PLEKHG5: variants seen among roughly 807,000 people sequenced by gnomAD.
PLEKHG5 encodes the protein pleckstrin homology and RhoGEF domain containing G5.
PLEKHG5 carries 52 observed loss-of-function variants against 103.8 expected under a neutral mutation model. That is an observed-to-expected ratio of 0.50 (90% CI 0.40 to 0.63). The LOEUF (loss-of-function observed/expected upper bound fraction) is 0.63. PLEKHG5 is among the 30% of genes least tolerant of loss of function. The probability of loss-of-function intolerance (pLI) is 0.00; values close to 1 mark genes in which losing one functional copy is unlikely to be tolerated. For missense variants in PLEKHG5, 1,205 were observed against 1,347.6 expected (o/e 0.89, Z 1.66); for synonymous variants, 592 against 575.5 (o/e 1.03, Z -0.41).
intron 15 of PLEKHG5, 32 bp downstream of exon 15, chr1:6,470,474 A>C (rs760564427): frequency 1.2e-6 from 2 of 1,610,816 alleles, no homozygotes; most frequent in Non-Finnish European, 1.7e-6. Flanking sequence ...CCTCTCTCCC[A>C]GCCGGCAACC....
At chr1:6,497,025 G>A, upstream of PLEKHG5, 1 of 1,521,494 alleles carries the variant, frequency 6.6e-7, no homozygotes, top group Non-Finnish European at 8.8e-7. This position sits in a 1 kb window ranked among gnomAD's most constrained non-coding sequence, Gnocchi z 6.1. Flanking sequence ...CGTTCCCCAA[G>A]ACTCATCTTT....
chr1:6,496,576 G>C, upstream of PLEKHG5: 1 of 1,559,350 alleles, frequency 6.4e-7, no homozygotes, highest in East Asian at 2.4e-5. Context: ...TCGTCTGCAG[G>C]GGAGGAGCAG....
At chr1:6,519,849 C>G in exon 1 of PLEKHG5, 1 of 417,480 alleles carries the variant, frequency 2.4e-6, no homozygotes. Context: ...CCTGAGTGCC[C>G]ATTTGCGCCC....
rs1190795201 is a variant in PLEKHG5, at chr1:6,467,138, C to G, written c.*425G>C. On this transcript the variant is annotated 3_prime_UTR_variant, in exon 21 of 21. Coordinates refer to ENST00000377728, the MANE Select transcript of PLEKHG5 (RefSeq NM_020631.6). ...TCTTCCCAGTGGAGTCTAGACAAGTCTTTATAAAAGAACCAAAAGCTCAAT... is the reference window on the plus strand; with the variant it reads ...TCTTCCCAGTGGAGTCTAGACAAGTGTTTATAAAAGAACCAAAAGCTCAAT... 1 of 330,400 alleles carries G rather than the reference C, an allele frequency of 3.0e-6. No homozygotes were observed. The highest frequency in any genetic ancestry group is 2.2e-5 in the African/African-American group (1 of 46,500). 20.5% of individuals were successfully genotyped at this position (330,400 alleles called of 1,614,324 possible). A position where few individuals can be genotyped will look rare whatever the true frequency, so the allele number is the denominator to read the frequency against.
intron 1 of PLEKHG5, among the ~76,000 whole-genome samples, chr1:6,515,759 C>G (rs374314957): frequency 3.7e-4 from 57 of 152,322 alleles, no homozygotes; most frequent in East Asian, 2.5e-3. Flanking sequence ...AGTGTATCCT[C>G]TGGACACCAC....
At chr1:6,497,132 G>T (rs373338852), upstream of PLEKHG5, 3 of 1,161,334 alleles carry the variant, frequency 2.6e-6, no homozygotes, top group African/African-American at 3.1e-5. The surrounding 1 kb of genome is among the most constrained non-coding windows in gnomAD (Gnocchi z 6.1). Context: ...GAGGCGGGGG[G>T]AGGGAGGAGA....
rs777277703 is a variant in PLEKHG5, at chr1:6,475,518, G to A, written c.154C>T (p.Arg52Trp). 29 of 1,613,020 alleles carry A rather than the reference G, an allele frequency of 1.8e-5. No homozygotes were observed. The highest frequency in any genetic ancestry group is 4.5e-5 in the East Asian group (2 of 44,850). ...EESSVDGKGDRKSTGLKLSKK... is the reference protein window; with the variant it reads ...EESSVDGKGDWKSTGLKLSKK... ...GAGAGTTTCAGGCCTGTGCTCTTCC[G>A]GTCCCTGCAGGGAAGCGAGGAGGGC... The change falls in exon 4 of 21, where the codon CGG becomes TGG. Residue 52 changes from arginine to tryptophan, a missense_variant. Coordinates refer to ENST00000377728, the MANE Select transcript of PLEKHG5 (RefSeq NM_020631.6).
chr1:6,479,625 T>C (rs1370706526), intron 1 of PLEKHG5, among the ~76,000 whole-genome samples: 3 of 151,548 alleles, frequency 2.0e-5, no homozygotes, highest in Non-Finnish European at 4.4e-5. Context: ...CTTTTTTTTT[T>C]TCTTCAAGAC....
intron 1 of PLEKHG5, among the ~76,000 whole-genome samples, chr1:6,510,612 C>T (rs1221164852): frequency 6.6e-6 from 1 of 152,200 alleles, no homozygotes; most frequent in Non-Finnish European, 1.5e-5. Flanking sequence ...GAATCTGCCT[C>T]TGCCCTCTGG....
At position 6,472,441 on chromosome 1, in the gene PLEKHG5, C is replaced by T. The variant is rs1230994524; in HGVS notation, c.1080+86G>A. 6.1e-6 allele frequency: 6 copies of T among 978,990 alleles called. No homozygotes were observed. The Admixed American group carries it at 7.7e-5, about 12-fold the overall frequency. The allele number at this position is 978,990 out of a possible 1,614,324, so 60.6% of individuals were successfully genotyped here. A position where few individuals can be genotyped will look rare whatever the true frequency, so the allele number is the denominator to read the frequency against. On this transcript the variant is annotated intron_variant, in intron 10 of 20. Coordinates refer to ENST00000377728, the MANE Select transcript of PLEKHG5 (RefSeq NM_020631.6). Reference sequence around the variant, plus strand: ...CCCACCTCATTGCCAGGCACCTGCTCCTTCTGCAAAGGCTCAGACTCAGCT... The same window carrying T: ...CCCACCTCATTGCCAGGCACCTGCTTCTTCTGCAAAGGCTCAGACTCAGCT...
chr1:6,476,817 C>T (rs183327956), intron 2 of PLEKHG5, among the ~76,000 whole-genome samples: 3 of 152,190 alleles, frequency 2.0e-5, no homozygotes, highest in South Asian at 2.1e-4. Context: ...TGCAGTGGCA[C>T]GATCAGGGCT....
Position 6,474,336 on chromosome 1 carries a change from G to GGTAATGA in PLEKHG5, c.439+108_439+114dup. The GGTAATGA allele has an allele frequency of 2.2e-6, 3 of 1,358,090 alleles. No homozygotes were observed. In the South Asian group the frequency reaches 3.7e-5, roughly 17 times the overall value. 84.1% of individuals were successfully genotyped at this position (1,358,090 alleles called of 1,614,324 possible). The stretch of plus-strand genomic sequence containing the variant: ...CAGCATCCAGCAGAGACACCTGTAT[G>GGTAATGA]GTAATGAGGCTGCTCAGGCCCACGA... On this transcript the variant is annotated intron_variant, in intron 6 of 20. Transcript: ENST00000377728.
chr1:6,467,791 A>G, intron 20 of PLEKHG5, 34 bp downstream of exon 20: 1 of 1,610,720 alleles, frequency 6.2e-7, no homozygotes, highest in South Asian at 1.1e-5. Context: ...CAGTGCCCTG[A>G]GCCACCTGCC....
rs760139855 is a variant in PLEKHG5, at chr1:6,475,950, T to TCTCCTCCTC, written c.121_129dup (p.Glu41_Glu43dup). 2 of 1,612,210 alleles carry TCTCCTCCTC rather than the reference T, an allele frequency of 1.2e-6. No homozygotes were observed. The highest frequency in any genetic ancestry group is 1.7e-6 in the Non-Finnish European group (2 of 1,178,628). On this transcript the variant is annotated inframe_insertion, in exon 3 of 21. Coordinates refer to ENST00000377728, the MANE Select transcript of PLEKHG5 (RefSeq NM_020631.6). ...ACCTACCCTTTGCCATCCACAGAGC[T>TCTCCTCCTC]CTCCTCCTCCTCCTCCTCCAAGTCC... is the stretch of plus-strand genomic sequence containing the variant.
rs147386989 is a variant in PLEKHG5 at position 6,468,562 on chromosome 1, G to T, written c.2274C>A (p.Thr758=). ...QHCASDGSTE[T]LAMVVVEPGD... ...CAGGCTCTACCACAACCATGGCCAG[G>T]GTCTCCGTGGAGCCATCTGAGGCAC... is the stretch of plus-strand genomic sequence containing the variant. Residue 758 remains threonine, a synonymous_variant, in exon 20 of 21, where the codon ACC becomes ACA. Coordinates refer to ENST00000377728, the MANE Select transcript of PLEKHG5 (RefSeq NM_020631.6). The T allele has an allele frequency of 1.9e-6, 3 of 1,612,992 alleles. No individual in the cohort carries two copies. The highest frequency in any genetic ancestry group is 2.5e-6 in the Non-Finnish European group (3 of 1,179,982).
At chr1:6,496,169 A>G (rs1360127746), upstream of PLEKHG5, among the ~76,000 whole-genome samples, 1 of 152,162 alleles carries the variant, frequency 6.6e-6, no homozygotes, top group East Asian at 1.9e-4. Context: ...TCCCCTGGCT[A>G]AGCCTCAGTT....
At chr1:6,496,273 CT>C (rs1443325942), upstream of PLEKHG5, among the ~76,000 whole-genome samples, 12 of 152,228 alleles carry the variant, frequency 7.9e-5, no homozygotes, top group African/African-American at 2.7e-4. Flanking sequence ...CTCCACCCCC[CT>C]GTTCTTGTAG....
chr1:6,502,834 C>A (rs560368409), intron 1 of PLEKHG5, among the ~76,000 whole-genome samples: 2 of 152,324 alleles, frequency 1.3e-5, no homozygotes, highest in South Asian at 4.2e-4. Flanking sequence ...CCAGGCTCAC[C>A]CACCCGACCG....
At chr1:6,489,038 A>C (rs1456502515) in intron 1 of PLEKHG5, among the ~76,000 whole-genome samples, 2 of 152,098 alleles carry the variant, frequency 1.3e-5, no homozygotes, top group African/African-American at 4.8e-5. Flanking sequence ...TTCCCTGTCC[A>C]GGAAAGGACG....
Sources: gnomAD v4.1 joint callset for allele counts (sites outside exome capture counted in the v4.1 genomes callset) on GRCh38, gnomAD v4.1.1 for gene constraint, Gnocchi (gnomAD v3.1) non-coding constraint, MANE v1.5 for transcripts, NCBI Gene and HGNC (gene_info 2026-07-23, HGNC 2026-07-21) for gene names.